The following SLC9A9 variants were observed in gnomAD, a reference collection of about 807,000 sequenced individuals.
SLC9A9 encodes solute carrier family 9 member A9, also known as sodium/hydrogen exchanger 9.
A neutral mutation model predicts 77.8 loss-of-function variants in SLC9A9; 62 were observed. The ratio of observed to expected loss-of-function variants is 0.80; its 90% CI spans 0.65 to 0.98. The LOEUF (loss-of-function observed/expected upper bound fraction) is 0.98, where lower values mean the gene tolerates loss of function less well. Ranked by LOEUF, SLC9A9 falls within the 50% of genes least tolerant of loss-of-function variation. SLC9A9 has a pLI of 0.00. For missense variants in SLC9A9, 775 were observed against 774.9 expected, an observed-to-expected ratio of 1.00 and a Z score of 0.00; for synonymous variants, 320 against 283.5, an observed-to-expected ratio of 1.13 and a Z score of -1.29.
At position 143,725,364 on chromosome 3, in the gene SLC9A9, G is replaced by A. The variant is rs555599533; in HGVS notation, c.534-32057C>T. ...GGATCTAGAACTAGAAATACCATTTGACCCAGCCATCCCATTACTGGGTAT... is the reference window on the plus strand; with the variant it reads ...GGATCTAGAACTAGAAATACCATTTAACCCAGCCATCCCATTACTGGGTAT... On this transcript the variant is annotated intron_variant, in intron 4 of 15. Coordinates refer to ENST00000316549, the MANE Select transcript of SLC9A9 (RefSeq NM_173653.4). Among the ~76,000 whole-genome samples the A allele has an allele frequency of 3.2e-4, 49 of 152,056 alleles. No individual in the cohort carries two copies. In the South Asian group the frequency reaches 9.6e-3, roughly 30 times the overall value.
intron 2 of SLC9A9, among the ~76,000 whole-genome samples, chr3:143,822,066 A>G (rs758855638): frequency 1.3e-5 from 2 of 152,206 alleles, no homozygotes; most frequent in Non-Finnish European, 2.9e-5. Flanking sequence ...GACCCACATC[A>G]AAGAACAGAG....
At chr3:143,633,038 TG>T (rs2038453316) in intron 6 of SLC9A9, among the ~76,000 whole-genome samples, 1 of 152,244 alleles carries the variant, frequency 6.6e-6, no homozygotes. Context: ...AGTCAAGTTT[TG>T]CTGTCACACA....
chr3:143,321,864 AGTCTGAGGAT>A (rs1159048630), intron 14 of SLC9A9, among the ~76,000 whole-genome samples: 4 of 152,174 alleles, frequency 2.6e-5, no homozygotes, highest in African/African-American at 9.7e-5. Flanking sequence ...ACCCTTTGGG[AGTCTGAGGAT>A]GTTATAGAGT....
At chr3:143,436,651 TG>T (rs1209364418) in intron 12 of SLC9A9, among the ~76,000 whole-genome samples, 1 of 152,220 alleles carries the variant, frequency 6.6e-6, no homozygotes, top group Non-Finnish European at 1.5e-5. Context: ...AATAAAACAT[TG>T]CCTTGTTACG....
intron 12 of SLC9A9, among the ~76,000 whole-genome samples, chr3:143,418,745 GC>G (rs1276897190): frequency 1.3e-5 from 2 of 152,132 alleles, no homozygotes; most frequent in Non-Finnish European, 2.9e-5. Context: ...AATATTGAGT[GC>G]CAATTTCAGT....
chr3:143,337,909 A>T (rs2031976461), intron 14 of SLC9A9, among the ~76,000 whole-genome samples: 1 of 152,210 alleles, frequency 6.6e-6, no homozygotes, highest in Non-Finnish European at 1.5e-5. Flanking sequence ...GGCACCAGTC[A>T]TGGTCCCACA....
At chr3:143,543,921 T>C (rs1200176443) in intron 9 of SLC9A9, among the ~76,000 whole-genome samples, 1 of 152,226 alleles carries the variant, frequency 6.6e-6, no homozygotes, top group Non-Finnish European at 1.5e-5. Context: ...CTGGGTCAAA[T>C]GGTAGCCCTG....
In SLC9A9 at chr3:143,601,035, C is replaced by G. The variant is rs115987610; in HGVS notation, c.756-22312G>C. The stretch of plus-strand genomic sequence containing the variant: ...ATTTGTGTAAGCACACATTTCATTT[C>G]TCTTAGACATGGGAAGTTGAGGGGA... On this transcript the variant is annotated intron_variant, in intron 6 of 15. Transcript: ENST00000316549. Among the ~76,000 whole-genome samples the G allele has an allele frequency of 1.1e-3, 164 of 152,308 alleles. 1 individual carries two copies. The highest frequency in any genetic ancestry group is 3.8e-3 in the African/African-American group (158 of 41,574).
chr3:143,706,330 C>T (rs1933975286), intron 4 of SLC9A9, among the ~76,000 whole-genome samples: 1 of 150,776 alleles, frequency 6.6e-6, no homozygotes, highest in Admixed American at 6.6e-5. Flanking sequence ...TGTGGATTTG[C>T]CTTAGGGCCC....
rs906912675 is a variant in SLC9A9, at chr3:143,266,690, T to C, written c.*12A>G. 3.1e-6 allele frequency: 5 copies of C among 1,613,756 alleles called. No homozygotes were observed. In the African/African-American group the frequency reaches 4.0e-5, roughly 13 times the overall value. Reference sequence around the variant, plus strand: ...GCATTACTTGTGATTACATCTGTACTCTTCATGCCAATTAATTCAACTGGG... The same window carrying C: ...GCATTACTTGTGATTACATCTGTACCCTTCATGCCAATTAATTCAACTGGG... On this transcript the variant is annotated 3_prime_UTR_variant, in exon 16 of 16. Transcript: ENST00000316549.
chr3:143,553,410 A>C (rs1352887168), intron 8 of SLC9A9, among the ~76,000 whole-genome samples: 1 of 152,172 alleles, frequency 6.6e-6, no homozygotes, highest in Non-Finnish European at 1.5e-5. Flanking sequence ...TGCAAGATAT[A>C]AGTATTCCTC....
intron 2 of SLC9A9, among the ~76,000 whole-genome samples, chr3:143,813,587 T>G (rs754520459): frequency 1.9e-4 from 29 of 152,152 alleles, no homozygotes; most frequent in Non-Finnish European, 3.8e-4. Flanking sequence ...TGGAGGCCAA[T>G]TCTGTCCAGT....
At chr3:143,434,374 C>A (rs1379574266) in intron 12 of SLC9A9, among the ~76,000 whole-genome samples, 1 of 152,130 alleles carries the variant, frequency 6.6e-6, no homozygotes, top group Non-Finnish European at 1.5e-5. Flanking sequence ...AAAAAAGAAA[C>A]CTCATGGGTT....
At chr3:143,466,889 T>C in intron 12 of SLC9A9, 148 bp downstream of exon 12, 1 of 987,934 alleles carries the variant, frequency 1.0e-6, no homozygotes, top group Admixed American at 2.0e-5. Flanking sequence ...TGTCATATTG[T>C]TTCACCTTAT....
At chr3:143,833,665 CCTGTG>C (rs1171297904) in intron 1 of SLC9A9, among the ~76,000 whole-genome samples, 1 of 152,082 alleles carries the variant, frequency 6.6e-6, no homozygotes, top group Middle Eastern at 3.2e-3. Context: ...CTACGCTCTC[CCTGTG>C]TGTAGAGTTG....
chr3:143,372,458 TAA>T (rs1433687305), intron 13 of SLC9A9, among the ~76,000 whole-genome samples: 1 of 150,634 alleles, frequency 6.6e-6, no homozygotes, highest in Non-Finnish European at 1.5e-5. Flanking sequence ...TCTCACCTTA[TAA>T]AAAAAAACTG....
intron 4 of SLC9A9, among the ~76,000 whole-genome samples, chr3:143,744,462 G>A (rs1472711486): frequency 6.6e-6 from 1 of 152,142 alleles, no homozygotes; most frequent in South Asian, 2.1e-4. Flanking sequence ...TCCCCTGCAG[G>A]TGTCCTTAAC....
At chr3:143,663,175 TC>T (rs2039007465) in intron 5 of SLC9A9, among the ~76,000 whole-genome samples, 1 of 152,106 alleles carries the variant, frequency 6.6e-6, no homozygotes, top group African/African-American at 2.4e-5. Context: ...GCAAACAGGG[TC>T]TGCAGTGGAC....
Position 143,496,450 on chromosome 3 carries a change from G to C in SLC9A9, c.1090-1002C>G, listed in dbSNP as rs75017622. On this transcript the variant is annotated intron_variant, in intron 9 of 15. Coordinates refer to ENST00000316549, the MANE Select transcript of SLC9A9 (RefSeq NM_173653.4). ...AGGACTCATTATTTTTTCATGTAAT[G>C]TATTTACAGCCCCACAAATAATGCC... 2.4e-3 allele frequency among the ~76,000 whole-genome samples: 361 copies of C among 152,258 alleles called. 7 individuals are homozygous for C. The East Asian group carries it at 0.052, about 22-fold the overall frequency.
Sources: allele counts gnomAD v4.1 joint callset (sites outside exome capture counted in the v4.1 genomes callset), GRCh38; gene constraint gnomAD v4.1.1; transcripts MANE v1.5; gene names NCBI Gene and HGNC (gene_info 2026-07-23, HGNC 2026-07-21).